Variants in ACBD6 observed in about 807,000 individuals in gnomAD.
The protein encoded by ACBD6 is acyl-CoA-binding domain-containing protein 6.
A neutral mutation model predicts 37.2 loss-of-function variants in ACBD6; 28 were observed. That is an observed-to-expected ratio of 0.75 (90% confidence interval 0.56 to 1.03). The LOEUF (loss-of-function observed/expected upper bound fraction) is 1.03. Among genes scored for constraint, ACBD6 ranks in the 50% least tolerant of loss-of-function variants. The pLI, the probability that ACBD6 is intolerant of heterozygous loss-of-function variation, is 0.00. For synonymous variants in ACBD6, 113 were observed against 126.8 expected, an observed-to-expected ratio of 0.89 and a Z score of 0.73; for missense variants, 340 against 337.4, an observed-to-expected ratio of 1.01 and a Z score of -0.06.
At chr1:180,285,042 G>A (rs1649439120), downstream of ACBD6, among the ~76,000 whole-genome samples, 2 of 152,072 alleles carry the variant, frequency 1.3e-5, no homozygotes, top group Non-Finnish European at 2.9e-5. Context: ...AGGCTGAGGT[G>A]GGAGGATTGC....
chr1:180,485,930 G>A (rs1286353539), intron 3 of ACBD6, among the ~76,000 whole-genome samples: 3 of 149,904 alleles, frequency 2.0e-5, no homozygotes, highest in African/African-American at 7.4e-5. Flanking sequence ...CATCTTGAAG[G>A]TACTCCCAGT....
intron 6 of ACBD6, among the ~76,000 whole-genome samples, chr1:180,370,366 A>G (rs1014605823): frequency 6.6e-6 from 1 of 152,148 alleles, no homozygotes; most frequent in Non-Finnish European, 1.5e-5. Flanking sequence ...CATGTGTTTT[A>G]GGCTGAGGGA....
intron 9 of ACBD6, chr1:180,278,808 CT>C (rs1649199283): frequency 6.6e-6 from 1 of 151,042 alleles, no homozygotes; most frequent in Non-Finnish European, 1.5e-5. Flanking sequence ...GAAATGAAGT[CT>C]CGTTTCCTGG....
At chr1:180,388,978 C>T (rs1364616272) in intron 6 of ACBD6, among the ~76,000 whole-genome samples, 3 of 152,044 alleles carry the variant, frequency 2.0e-5, no homozygotes, top group Non-Finnish European at 4.4e-5. Context: ...GTACTATTCC[C>T]CAAGCTGATC....
Position 180,502,293 on chromosome 1 carries a change from T to C in ACBD6, c.-27A>G, listed in dbSNP as rs1487106966. The C allele has an allele frequency of 6.2e-7, 1 of 1,609,702 alleles. No homozygotes were observed. Among genetic ancestry groups the C allele is most frequent in the East Asian group, 2.2e-5 (1 of 44,840 alleles). On this transcript the variant is annotated 5_prime_UTR_variant, in exon 1 of 8. Coordinates refer to ENST00000367595, the MANE Select transcript of ACBD6 (RefSeq NM_032360.4). ...TCTCCTTGCTCGCTCCGTCCCTCTG[T>C]GTCCGGTCTGTCCTCCTTGGATTGG...
chr1:180,447,976 T>G (rs758856140), intron 3 of ACBD6, among the ~76,000 whole-genome samples: 1 of 152,162 alleles, frequency 6.6e-6, no homozygotes, highest in Non-Finnish European at 1.5e-5. Context: ...ATACTTGAAG[T>G]TACCCACGGG....
exon 14 of ACBD6, chr1:180,271,320 G>A (rs1230153420): frequency 5.0e-6 from 8 of 1,588,230 alleles, no homozygotes; most frequent in South Asian, 2.2e-5. Context: ...GGAGGGTGTG[G>A]GAGGAGGCGC....
At chr1:180,393,741 A>T (rs1185717009) in intron 6 of ACBD6, among the ~76,000 whole-genome samples, 2 of 152,224 alleles carry the variant, frequency 1.3e-5, no homozygotes, top group Non-Finnish European at 2.9e-5. Flanking sequence ...TGGAAAAGCC[A>T]AAAGCAACCC....
chr1:180,326,034 T>C (rs1387087014), intron 6 of ACBD6, among the ~76,000 whole-genome samples: 1 of 152,150 alleles, frequency 6.6e-6, no homozygotes, highest in Admixed American at 6.5e-5. Flanking sequence ...GGCTACCACC[T>C]ATCTTTACTC....
At chr1:180,289,032 AG>A (rs139845754) in intron 7 of ACBD6, among the ~76,000 whole-genome samples, 2,718 of 113,566 alleles carry the variant, frequency 0.024, 108 homozygotes, top group Admixed American at 0.067. Context: ...ATTCTTCTAC[AG>A]GAACTAAAAA....
chr1:180,337,666 G>A (rs1225951761), intron 6 of ACBD6, among the ~76,000 whole-genome samples: 1 of 152,110 alleles, frequency 6.6e-6, no homozygotes, highest in Non-Finnish European at 1.5e-5. Context: ...CAATCAGGCA[G>A]GAAAAGGAAA....
rs189298734 is a variant in ACBD6, at chr1:180,455,117, A to T, written c.385-24855T>A. Reference sequence around the variant, plus strand: ...TCACAATAGCAAAGACTTGGAACCAACTCAAATGCCCATCAGTGATAGACT... The same window carrying T: ...TCACAATAGCAAAGACTTGGAACCATCTCAAATGCCCATCAGTGATAGACT... On this transcript the variant is annotated intron_variant, in intron 3 of 7. Coordinates refer to ENST00000367595, the MANE Select transcript of ACBD6 (RefSeq NM_032360.4). 5.5e-3 allele frequency among the ~76,000 whole-genome samples: 832 copies of T among 152,288 alleles called. 7 individuals are homozygous for T. The highest frequency in any genetic ancestry group is 0.019 in the African/African-American group (788 of 41,550).
At chr1:180,401,417 A>T (rs1182143191) in intron 5 of ACBD6, among the ~76,000 whole-genome samples, 1 of 152,184 alleles carries the variant, frequency 6.6e-6, no homozygotes, top group East Asian at 1.9e-4. Context: ...TTCCTTAGTA[A>T]CTCGTCCATA....
At chr1:180,400,955 A>G (rs1647329889) in intron 5 of ACBD6, among the ~76,000 whole-genome samples, 1 of 152,320 alleles carries the variant, frequency 6.6e-6, no homozygotes, top group Non-Finnish European at 1.5e-5. Flanking sequence ...GAACTATTTT[A>G]CATATTTGTC....
chr1:180,321,602 T>C (rs1050880583), intron 6 of ACBD6, among the ~76,000 whole-genome samples: 3 of 152,150 alleles, frequency 2.0e-5, no homozygotes, highest in Non-Finnish European at 4.4e-5. Flanking sequence ...GAAATGCTAC[T>C]GATTTTTGTA....
chr1:180,434,822 C>T (rs1648955305), intron 3 of ACBD6: 2 of 728,174 alleles, frequency 2.7e-6, no homozygotes, highest in Non-Finnish European at 2.6e-6. Context: ...CCCACGAATG[C>T]CAATCTTGGC....
chr1:180,279,540 C>T (rs773288954), intron 9 of ACBD6, among the ~76,000 whole-genome samples: 10 of 152,172 alleles, frequency 6.6e-5, no homozygotes, highest in East Asian at 3.9e-4. Flanking sequence ...TCAAGTGATC[C>T]GCCCACCTGG....
At chr1:180,438,735 G>A (rs1290489398) in intron 3 of ACBD6, among the ~76,000 whole-genome samples, 3 of 152,104 alleles carry the variant, frequency 2.0e-5, no homozygotes, top group African/African-American at 7.2e-5. Context: ...ATTTGTTACA[G>A]CTGATGAGCC....
At chr1:180,389,063 T>C (rs1441786453) in intron 6 of ACBD6, among the ~76,000 whole-genome samples, 1 of 152,128 alleles carries the variant, frequency 6.6e-6, no homozygotes, top group African/African-American at 2.4e-5. Flanking sequence ...TGCAGGTTAG[T>C]TTCATATGTA....
Sources: allele counts gnomAD v4.1 joint callset (sites outside exome capture counted in the v4.1 genomes callset), GRCh38; gene constraint gnomAD v4.1.1; transcripts MANE v1.5; gene names NCBI Gene and HGNC (gene_info 2026-07-23, HGNC 2026-07-21).